The following RNF31 variants were observed in gnomAD, a reference collection of about 807,000 sequenced individuals.
The protein encoded by RNF31 is E3 ubiquitin-protein ligase RNF31.
A neutral mutation model predicts 133.6 loss-of-function variants in RNF31; 38 were observed. The ratio of observed to expected loss-of-function variants is 0.28; its 90% CI spans 0.22 to 0.37. RNF31 has a LOEUF of 0.37. Ranked by LOEUF, RNF31 falls within the 10% of genes least tolerant of loss-of-function variation. The pLI, the probability that RNF31 is intolerant of heterozygous loss-of-function variation, is 1.00. For missense variants in RNF31, 1,118 were observed against 1,394.1 expected, an observed-to-expected ratio of 0.80 and a Z score of 3.15; for synonymous variants, 582 against 552.3, an observed-to-expected ratio of 1.05 and a Z score of -0.75.
Position 24,147,548 on chromosome 14 carries a change from AGT to A in RNF31, c.-149_-148del. The stretch of plus-strand genomic sequence containing the variant: ...CCTGGCGCTGGGCCGGGGGCTGGAG[AGT>A]GACCGTGGTCTGAGTGACCTGGGGC... On this transcript the variant is annotated 5_prime_UTR_variant, in exon 1 of 21. Transcript: ENST00000324103. The A allele has an allele frequency of 1.7e-6, 1 of 577,006 alleles. No homozygotes were observed. The highest frequency in any genetic ancestry group is 2.0e-5 in the African/African-American group (1 of 50,552). 35.7% of individuals were successfully genotyped at this position (577,006 alleles called of 1,614,324 possible).
upstream of RNF31, chr14:24,147,386 G>A (rs2038182565): frequency 7.2e-6 from 2 of 276,788 alleles, no homozygotes; most frequent in Non-Finnish European, 1.3e-5. Context: ...CTCATTGGTT[G>A]GGACCTGGCC....
In RNF31 at chr14:24,156,146, G is replaced by T. The variant is rs535372101; in HGVS notation, c.2493+454G>T. ...AAGGCCAGAATCAGAAAAAAGTGTT[G>T]TATGGCTGGAGCCTGGAAAGCAAGG... On this transcript the variant is annotated intron_variant, in intron 14 of 20. Coordinates refer to ENST00000324103, the MANE Select transcript of RNF31 (RefSeq NM_017999.5). 1.6e-4 allele frequency among the ~76,000 whole-genome samples: 24 copies of T among 152,252 alleles called. No individual in the cohort carries two copies. The East Asian group carries it at 3.7e-3, about 23-fold the overall frequency.
rs2038270618 is a variant in RNF31 at position 24,151,772 on chromosome 14, G to A, written c.1924-14G>A. The A allele has an allele frequency of 6.2e-7, 1 of 1,603,350 alleles. No homozygotes were observed. Among genetic ancestry groups the A allele is most frequent in the Admixed American group, 1.7e-5 (1 of 59,500 alleles). On this transcript the variant is annotated splice_polypyrimidine_tract_variant and intron_variant, in intron 10 of 20. Coordinates refer to ENST00000324103, the MANE Select transcript of RNF31 (RefSeq NM_017999.5). The surrounding 1 kb of genome is among the most constrained non-coding windows in gnomAD (Gnocchi z 5.3). ...CTGACAGCACTTCCCCCCTCCACCT[G>A]AATCATATTGCAGAGCCTGGTCAGG...
intron 11 of RNF31, 117 bp downstream of exon 11, chr14:24,152,109 T>C (rs954169474): frequency 2.0e-6 from 2 of 986,044 alleles, no homozygotes; most frequent in African/African-American, 1.6e-5. Context: ...CATATACCCC[T>C]GAAGGCTCCT....
chr14:24,154,073 G>A (rs1254820533), intron 11 of RNF31, among the ~76,000 whole-genome samples: 2 of 150,118 alleles, frequency 1.3e-5, no homozygotes, highest in African/African-American at 4.9e-5. Flanking sequence ...ATGGCTCACT[G>A]CAACCTCTGC....
chr14:24,148,633 T>C lies in RNF31; in HGVS notation c.496-9T>C. 6.2e-7 allele frequency: 1 copy of C among 1,614,060 alleles called. No individual in the cohort carries two copies. Among genetic ancestry groups the C allele is most frequent in the African/African-American group, 1.3e-5 (1 of 75,030 alleles). On this transcript the variant is annotated splice_polypyrimidine_tract_variant and intron_variant, in intron 3 of 20. Transcript: ENST00000324103. ...TAGCTGGAAACCGTTTTTATCTGTA[T>C]TATTGCAGAATACTCATCCAAGACA...
Position 24,147,639 on chromosome 14 carries a change from G to T in RNF31, c.-60G>T. ...AGACGGGAGGGGCGGCGCTCGGGCC[G>T]CGCGCTGCCCGCGCCGGGTCCTGGC... On this transcript the variant is annotated 5_prime_UTR_variant, in exon 1 of 21. Transcript: ENST00000324103. 7.4e-7 allele frequency: 1 copy of T among 1,346,418 alleles called. No homozygotes were observed. Among genetic ancestry groups the T allele is most frequent in the Non-Finnish European group, 9.5e-7 (1 of 1,051,524 alleles). The allele number at this position is 1,346,418 out of a possible 1,614,324, so 83.4% of individuals were successfully genotyped here.
Position 24,160,628 on chromosome 14 carries a change from C to T in RNF31, c.*55C>T. On this transcript the variant is annotated 3_prime_UTR_variant, in exon 21 of 21. Transcript: ENST00000324103. This position sits in a 1 kb window ranked among gnomAD's most constrained non-coding sequence, Gnocchi z 4.0. Reference sequence around the variant, plus strand: ...ATGGCCTGCTCCCTCAGGAACAGCTCCAGCACCAATAAAGAGGCATCTTAC... The same window carrying T: ...ATGGCCTGCTCCCTCAGGAACAGCTTCAGCACCAATAAAGAGGCATCTTAC... 2 of 1,359,140 alleles carry T rather than the reference C, an allele frequency of 1.5e-6. No homozygotes were observed. The highest frequency in any genetic ancestry group is 5.1e-5 in the East Asian group (2 of 39,568). The allele number at this position is 1,359,140 out of a possible 1,614,324, so 84.2% of individuals were successfully genotyped here.
Position 24,160,422 on chromosome 14 carries a change from C to CA in RNF31, c.3165+16dup, listed in dbSNP as rs1566618601. 6.2e-7 allele frequency: 1 copy of CA among 1,611,726 alleles called. No individual in the cohort carries two copies. Among genetic ancestry groups the CA allele is most frequent in the African/African-American group, 1.3e-5 (1 of 75,008 alleles). On this transcript the variant is annotated intron_variant, in intron 20 of 20. Coordinates refer to ENST00000324103, the MANE Select transcript of RNF31 (RefSeq NM_017999.5). The surrounding 1 kb of genome is among the most constrained non-coding windows in gnomAD (Gnocchi z 4.0). ...GCTTGTTACAGGTATAGCCTCCACCCAGCCTCATCTCTTAACCCACCCTAC... is the reference window on the plus strand; with the variant it reads ...GCTTGTTACAGGTATAGCCTCCACCCAAGCCTCATCTCTTAACCCACCCTAC...
chr14:24,159,812 C>G, intron 18 of RNF31, 52 bp from the exon 19 acceptor site: 1 of 1,450,192 alleles, frequency 6.9e-7, no homozygotes, highest in Non-Finnish European at 9.7e-7. Context: ...AGTTCTGGAG[C>G]TTTGTGGTCA....
intron 11 of RNF31, among the ~76,000 whole-genome samples, chr14:24,154,765 A>G (rs577857512): frequency 3.9e-5 from 6 of 152,322 alleles, no homozygotes; most frequent in African/African-American, 1.2e-4. Context: ...ATCAAGATAC[A>G]GATTGTTTCA....
In RNF31 at chr14:24,160,147, G is replaced by A; in HGVS notation, c.2997-92G>A. 5.4e-6 allele frequency: 8 copies of A among 1,469,908 alleles called. No homozygotes were observed. The highest frequency in any genetic ancestry group is 5.5e-6 in the Non-Finnish European group (6 of 1,082,496). The allele number at this position is 1,469,908 out of a possible 1,614,324, so 91.1% of individuals were successfully genotyped here. A position where few individuals can be genotyped will look rare whatever the true frequency, so the allele number is the denominator to read the frequency against. The stretch of plus-strand genomic sequence containing the variant: ...TGGGCACAGGTGGGTTGTTAATCTT[G>A]TTCGTCCAGGTGTCTCAGAGTCCAG... On this transcript the variant is annotated intron_variant, in intron 19 of 20. Transcript: ENST00000324103. This position sits in a 1 kb window ranked among gnomAD's most constrained non-coding sequence, Gnocchi z 4.0.
Position 24,160,309 on chromosome 14 carries a change from G to A in RNF31, c.3067G>A (p.Val1023Met). The part of the protein sequence containing the change: ...HSLDPATLYE[V>M]EELETATERY... ...GCTGGACCCAGCCACCTTGTATGAG[G>A]TGGAAGAGCTGGAGACGGCCACTGA... Residue 1023 changes from valine (V) to methionine (M), a missense_variant, in exon 20 of 21, where the codon GTG becomes ATG. By Grantham distance (21) the Val-to-Met change is conservative (BLOSUM62 1). This residue lies in a region of RNF31 where 170 missense variants were observed against 194.5 expected (regional missense o/e 0.87). Transcript: ENST00000324103. The surrounding 1 kb of genome is among the most constrained non-coding windows in gnomAD (Gnocchi z 4.0). 6.2e-7 allele frequency: 1 copy of A among 1,614,190 alleles called. No individual in the cohort carries two copies. The highest frequency in any genetic ancestry group is 8.5e-7 in the Non-Finnish European group (1 of 1,180,020).
At position 24,150,858 on chromosome 14, in the gene RNF31, A is replaced by G. The variant is rs777712530; in HGVS notation, c.1458A>G (p.Glu486=). 9.6e-6 allele frequency: 15 copies of G among 1,566,536 alleles called. No individual in the cohort carries two copies. Among genetic ancestry groups the G allele is most frequent in the African/African-American group, 1.4e-5 (1 of 73,696 alleles). Residue 486 remains glutamate (E), a synonymous_variant, in exon 8 of 21, where the codon GAA becomes GAG. Transcript: ENST00000324103. ...AGCAGCGCCAAGACAAGATGCGGGA[A>G]GAAGGCCTCCAGCTAGTGAGCATGA... ...PEKQRQDKMR[E]EGLQLVSMIR... is the part of the protein sequence containing the mutation.
chr14:24,150,374 C>T lies in RNF31; in HGVS notation c.1123C>T (p.Arg375Ter), dbSNP rs1355572921. The change falls in exon 7 of 21, where the codon CGA becomes TGA. Residue 375 changes from arginine (R) to a stop codon, truncating the protein, a stop_gained. Transcript: ENST00000324103. LOFTEE classifies it high-confidence loss of function. ...AAAVLCSICE[R>*]PRLAQPPSLV... ...TGCTGTGCTATGTTCCATATGTGAGCGACCTCGGCTGGCCCAGCCTCCCAG... is the reference window on the plus strand; with the variant it reads ...TGCTGTGCTATGTTCCATATGTGAGTGACCTCGGCTGGCCCAGCCTCCCAG... 3 of 1,613,798 alleles carry T rather than the reference C, an allele frequency of 1.9e-6. No homozygotes were observed. Among genetic ancestry groups the T allele is most frequent in the Non-Finnish European group, 2.5e-6 (3 of 1,180,006 alleles).
In RNF31 at chr14:24,155,491, C is replaced by T. The variant is rs2038328813; in HGVS notation, c.2382C>T (p.Pro794=). 6.2e-7 allele frequency: 1 copy of T among 1,614,202 alleles called. No homozygotes were observed. ...CCGAGGGTGTGCTGATGCGGGACCC[C>T]AAGTTCTTGTGGTGTGCCCAGGTAA... The part of the protein sequence containing the change: ...KLTEGVLMRD[P]KFLWCAQCSF... Residue 794 remains proline, a synonymous_variant, in exon 13 of 21, where the codon CCC becomes CCT. Transcript: ENST00000324103. The surrounding 1 kb of genome is among the most constrained non-coding windows in gnomAD (Gnocchi z 4.9).
Position 24,151,503 on chromosome 14 carries a change from C to G in RNF31, c.1756C>G (p.Leu586Val). The G allele has an allele frequency of 6.2e-7, 1 of 1,614,242 alleles. No individual in the cohort carries two copies. Among genetic ancestry groups the G allele is most frequent in the African/African-American group, 1.3e-5 (1 of 75,072 alleles). ...CTTGCAGGTGCAGGAGCTCCAGTCT[C>G]TAGGCTTTGGGCCTGAGGAGGGGTC... Reference protein sequence around the residue: ...RRRKVQELQSLGFGPEEGSLQ... With the variant: ...RRRKVQELQSVGFGPEEGSLQ... Residue 586 changes from leucine (L) to valine (V), a missense_variant, in exon 10 of 21, where the codon CTA becomes GTA. Physicochemically the swap from Leu to Val is conservative, Grantham distance 32. Around this residue, in one of 3 missense-constraint regions of RNF31, gnomAD observed 747 missense variants for 827.9 expected, o/e 0.90. Transcript: ENST00000324103. The surrounding 1 kb of genome is among the most constrained non-coding windows in gnomAD (Gnocchi z 5.3).
chr14:24,154,008 T>G (rs1488860738), intron 11 of RNF31, among the ~76,000 whole-genome samples: 1 of 152,188 alleles, frequency 6.6e-6, no homozygotes, highest in African/African-American at 2.4e-5. Flanking sequence ...GCGATGACAT[T>G]TTTTTGAGAC....
At chr14:24,150,989 A>G in intron 8 of RNF31, 101 bp downstream of exon 8, 1 of 1,500,862 alleles carries the variant, frequency 6.7e-7, no homozygotes, top group Non-Finnish European at 8.9e-7. Flanking sequence ...TGTTAGCAGC[A>G]GCTGCCTGTT....
Sources: gnomAD v4.1 joint callset for allele counts (sites outside exome capture counted in the v4.1 genomes callset) on GRCh38, gnomAD v4.1.1 for gene constraint, gnomAD v4.1.1 regional missense constraint, Gnocchi (gnomAD v3.1) non-coding constraint, MANE v1.5 for transcripts, NCBI Gene and HGNC (gene_info 2026-07-23, HGNC 2026-07-21) for gene names.